The following DOCK10 variants were observed in gnomAD, a reference collection of about 807,000 sequenced individuals.
The protein encoded by DOCK10 is dedicator of cytokinesis 10, also known as dedicator of cytokinesis protein 10.
Under a neutral mutation model 280.1 loss-of-function variants are expected in DOCK10, and 145 were observed. That is an observed-to-expected ratio of 0.52 (90% CI 0.45 to 0.59). The LOEUF (loss-of-function observed/expected upper bound fraction) is 0.59, where lower values mean the gene tolerates loss of function less well. Among genes scored for constraint, DOCK10 ranks in the 20% least tolerant of loss-of-function variants. The probability of loss-of-function intolerance (pLI) is 0.00; values close to 1 mark genes in which losing one functional copy is unlikely to be tolerated. For synonymous variants in DOCK10, 915 were observed against 942.2 expected (o/e 0.97, Z 0.53); for missense variants, 2,368 against 2,651.7 (o/e 0.89, Z 2.35).
intron 7 of DOCK10, among the ~76,000 whole-genome samples, chr2:224,876,430 T>C (rs1319515146): frequency 6.6e-6 from 1 of 152,188 alleles, no homozygotes; most frequent in Non-Finnish European, 1.5e-5. Flanking sequence ...AAATATCTTA[T>C]TTAGGGTTTT....
At chr2:224,918,947 G>GTGTGTA (rs1701511717) in intron 2 of DOCK10, among the ~76,000 whole-genome samples, 1 of 146,658 alleles carries the variant, frequency 6.8e-6, no homozygotes, top group South Asian at 2.2e-4. Flanking sequence ...TGGTGTGAAT[G>GTGTGTA]TGTGTGGTGT....
Position 224,805,442 on chromosome 2 carries a change from T to C in DOCK10, c.3902A>G (p.Glu1301Gly), listed in dbSNP as rs771107915. Reference sequence around the variant, plus strand: ...GTTGTCCGTCTTCTCACTGCTCTTCTCATTGGTACTTGGATTGGAGTCAAG... The same window carrying C: ...GTTGTCCGTCTTCTCACTGCTCTTCCCATTGGTACTTGGATTGGAGTCAAG... ...ASLDSNPSTNEKSSEKTDNCE... is the reference protein window; with the variant it reads ...ASLDSNPSTNGKSSEKTDNCE... Residue 1301 changes from glutamate (E) to glycine (G), a missense_variant, in exon 35 of 56, where the codon GAG (glutamate) becomes GGG (glycine). Physicochemically the swap from Glu to Gly is moderately conservative, Grantham distance 98. This residue lies in a region of DOCK10 where 1,159 missense variants were observed against 1,400.8 expected (regional missense o/e 0.83). Coordinates refer to ENST00000258390, the MANE Select transcript of DOCK10 (RefSeq NM_014689.3). The surrounding 1 kb of genome is among the most constrained non-coding windows in gnomAD (Gnocchi z 4.3). 6.2e-7 allele frequency: 1 copy of C among 1,612,832 alleles called. No homozygotes were observed. Among genetic ancestry groups the C allele is most frequent in the African/African-American group, 1.3e-5 (1 of 74,952 alleles).
intron 1 of DOCK10, among the ~76,000 whole-genome samples, chr2:225,013,663 T>G (rs1237244112): frequency 6.6e-6 from 1 of 152,164 alleles, no homozygotes; most frequent in East Asian, 1.9e-4. Context: ...TGTGGGGCAA[T>G]GTACTCTATC....
At chr2:224,922,398 C>T (rs1701813571) in intron 2 of DOCK10, among the ~76,000 whole-genome samples, 1 of 152,132 alleles carries the variant, frequency 6.6e-6, no homozygotes, top group Non-Finnish European at 1.5e-5. Context: ...CTCTGGTCAA[C>T]AATTAGTATA....
chr2:224,810,739 G>GT (rs1336723089), intron 31 of DOCK10, among the ~76,000 whole-genome samples: 5 of 148,528 alleles, frequency 3.4e-5, no homozygotes, highest in African/African-American at 1.2e-4. Flanking sequence ...GCAGTGTTTG[G>GT]TTTTTTGTCC....
Position 224,786,703 on chromosome 2 carries a change from T to C in DOCK10, c.5655+319A>G, listed in dbSNP as rs537923415. On this transcript the variant is annotated intron_variant, in intron 50 of 55. Coordinates refer to ENST00000258390, the MANE Select transcript of DOCK10 (RefSeq NM_014689.3). The surrounding 1 kb of genome is among the most constrained non-coding windows in gnomAD (Gnocchi z 4.7). ...TATTCAATTTAATTTCACTTTAATA[T>C]ATGGCGTAAACTTATAATTAGATAT... is the stretch of plus-strand genomic sequence containing the variant. Among the ~76,000 whole-genome samples, 1 of 152,230 alleles carries C rather than the reference T, an allele frequency of 6.6e-6. No homozygotes were observed. Among genetic ancestry groups the C allele is most frequent in the Non-Finnish European group, 1.5e-5 (1 of 68,040 alleles).
intron 26 of DOCK10, among the ~76,000 whole-genome samples, chr2:224,833,316 CT>C (rs997991338): frequency 5.3e-5 from 8 of 149,788 alleles, no homozygotes; most frequent in East Asian, 1.9e-4. Flanking sequence ...CATCGTCCAT[CT>C]TTTTTTTTTC....
At chr2:224,814,231 A>T (rs1693976785) in intron 31 of DOCK10, 89 bp downstream of exon 31, 1 of 668,842 alleles carries the variant, frequency 1.5e-6, no homozygotes, top group Non-Finnish European at 2.3e-6. Flanking sequence ...GTGAATATTT[A>T]TTAGCACCCA....
intron 40 of DOCK10, among the ~76,000 whole-genome samples, chr2:224,800,644 T>C (rs1692918190): frequency 6.6e-6 from 1 of 152,214 alleles, no homozygotes; most frequent in African/African-American, 2.4e-5. Flanking sequence ...AAAGTGTCTT[T>C]ATCGGTTAAG....
At position 224,816,712 on chromosome 2, in the gene DOCK10, G is replaced by A. The variant is rs747965741; in HGVS notation, c.3269C>T (p.Thr1090Ile). 1 of 1,569,644 alleles carries A rather than the reference G, an allele frequency of 6.4e-7. No homozygotes were observed. Among genetic ancestry groups the A allele is most frequent in the South Asian group, 1.1e-5 (1 of 87,354 alleles). Residue 1090 changes from threonine to isoleucine, a missense_variant and splice_region_variant, in exon 30 of 56, where the codon ACC becomes ATC. Physicochemically the swap from Thr to Ile is moderately conservative, Grantham distance 89. Transcript: ENST00000258390. ...AAAATCAAATTTATACTGGCACAAG[G>A]TCTGAAAGAGAGGCAAACTAAATGA... ...ISMFSSGDLK[T>I]LCQYKFDFLQ...
In DOCK10 at chr2:224,916,725, C is replaced by T. The variant is rs1423911411; in HGVS notation, c.303G>A (p.Glu101=). The part of the protein sequence containing the change: ...TLYSTVPEDA[E]HKAENLLVKE... ...TAACCAGTAAATTTTCTGCCTTGTG[C>T]TCTGCATCTTCAGGTACTGTTGAGT... Residue 101 remains glutamate (E), a synonymous_variant, in exon 3 of 56, where the codon GAG becomes GAA. Transcript: ENST00000258390. 3 of 1,611,206 alleles carry T rather than the reference C, an allele frequency of 1.9e-6. No homozygotes were observed. The highest frequency in any genetic ancestry group is 1.7e-5 in the Admixed American group (1 of 59,706).
intron 1 of DOCK10, among the ~76,000 whole-genome samples, chr2:224,951,665 CT>C (rs1008020415): frequency 2.6e-5 from 4 of 152,214 alleles, no homozygotes; most frequent in Non-Finnish European, 5.9e-5. Flanking sequence ...CATTTATGAT[CT>C]GTTTTCATGG....
At chr2:224,985,510 G>A (rs1705949152) in intron 1 of DOCK10, among the ~76,000 whole-genome samples, 1 of 151,728 alleles carries the variant, frequency 6.6e-6, no homozygotes, top group Admixed American at 6.6e-5. Context: ...TAGCCTTAAT[G>A]CTCATAGGAA....
intron 1 of DOCK10, among the ~76,000 whole-genome samples, chr2:224,957,425 G>C (rs1704115713): frequency 6.6e-6 from 1 of 152,002 alleles, no homozygotes; most frequent in Non-Finnish European, 1.5e-5. Context: ...TGAGTAGCTG[G>C]GATTACAAAT....
At chr2:224,781,577 T>C (rs1250817589) in intron 50 of DOCK10, among the ~76,000 whole-genome samples, 1 of 152,164 alleles carries the variant, frequency 6.6e-6, no homozygotes, top group Non-Finnish European at 1.5e-5. Context: ...GGACACAGAG[T>C]TATGAAAACC....
intron 31 of DOCK10, 38 bp from the exon 32 acceptor site, chr2:224,808,124 T>C: frequency 1.9e-6 from 3 of 1,562,548 alleles, no homozygotes; most frequent in South Asian, 1.2e-5. Context: ...TTATTGAAAA[T>C]CAAATGATCA....
At position 224,874,678 on chromosome 2, in the gene DOCK10, T is replaced by G; in HGVS notation, c.1005A>C (p.Ala335=). ...ETDSSENNLH[A]DFAKYLTETE... is the part of the protein sequence containing the mutation. ...CCAACTTTATTACCTTTGCAAAGTCTGCGTGTAGGTTGTTCTCTGAAGAAT... is the reference window on the plus strand; with the variant it reads ...CCAACTTTATTACCTTTGCAAAGTCGGCGTGTAGGTTGTTCTCTGAAGAAT... The change falls in exon 9 of 56, where the codon GCA becomes GCC. Residue 335 remains alanine (A), a synonymous_variant. Transcript: ENST00000258390. The G allele has an allele frequency of 6.2e-7, 1 of 1,613,922 alleles. No individual in the cohort carries two copies. The highest frequency in any genetic ancestry group is 8.5e-7 in the Non-Finnish European group (1 of 1,179,810).
Position 224,789,161 on chromosome 2 carries a change from G to C in DOCK10, c.5321C>G (p.Ser1774Cys). Residue 1774 changes from serine to cysteine, a missense_variant, in exon 48 of 56, where the codon TCT (serine) becomes TGT (cysteine). By Grantham distance (112) the Ser-to-Cys change is moderately radical. Transcript: ENST00000258390. The stretch of plus-strand genomic sequence containing the variant: ...GCTCAAAAAAGCTGGCCATCCCATA[G>C]AGAACATGCCTTGGGAGGACCAAGC... ...LTTPSGGSMF[S>C]MGWPAFLSIT... The C allele has an allele frequency of 6.2e-7, 1 of 1,611,496 alleles. No homozygotes were observed.
intron 1 of DOCK10, among the ~76,000 whole-genome samples, chr2:224,997,253 T>TCAACC: frequency 6.7e-6 from 1 of 149,738 alleles, no homozygotes; most frequent in East Asian, 2.0e-4. Flanking sequence ...TTCCTTTCTT[T>TCAACC]CGGAGTCTCA....
Sources: allele counts gnomAD v4.1 joint callset (sites outside exome capture counted in the v4.1 genomes callset), GRCh38; gene constraint gnomAD v4.1.1; regional missense constraint gnomAD v4.1.1; non-coding constraint Gnocchi (gnomAD v3.1); transcripts MANE v1.5; gene names NCBI Gene and HGNC (gene_info 2026-07-23, HGNC 2026-07-21).